The following STPG2 variants were observed in gnomAD, a reference collection of about 807,000 sequenced individuals.
The protein encoded by STPG2 is sperm-tail PG-rich repeat-containing protein 2.
STPG2 carries 56 observed loss-of-function variants against 54.2 expected under a neutral mutation model. The ratio of observed to expected loss-of-function variants is 1.03; its 90% confidence interval spans 0.83 to 1.29. The LOEUF (loss-of-function observed/expected upper bound fraction) is 1.29, where lower values mean the gene tolerates loss of function less well. STPG2 is among the 50% of genes most tolerant of loss of function. The pLI is 0.00. For missense variants in STPG2, 596 were observed against 544.9 expected (o/e 1.09, Z -0.93); for synonymous variants, 200 against 181.8 (o/e 1.10, Z -0.81).
intron 10 of STPG2, among the ~76,000 whole-genome samples, chr4:97,661,338 T>C (rs745831930): frequency 4.5e-4 from 68 of 152,306 alleles, no homozygotes; most frequent in Middle Eastern, 3.4e-3. Flanking sequence ...TCTGAGCCCA[T>C]TACATTATCA....
chr4:97,719,195 A>G (rs1248268941), intron 9 of STPG2, among the ~76,000 whole-genome samples: 1 of 151,946 alleles, frequency 6.6e-6, no homozygotes, highest in African/African-American at 2.4e-5. Context: ...ACTTTCAAAT[A>G]ATTAAGGGAT....
At chr4:97,760,005 C>G (rs543424906) in intron 9 of STPG2, among the ~76,000 whole-genome samples, 9 of 152,266 alleles carry the variant, frequency 5.9e-5, no homozygotes, top group African/African-American at 2.2e-4. Context: ...ACACCAAGAT[C>G]ATTCATAAGC....
At chr4:97,904,139 TG>T (rs1017290015) in intron 8 of STPG2, among the ~76,000 whole-genome samples, 1 of 152,190 alleles carries the variant, frequency 6.6e-6, no homozygotes. Flanking sequence ...GCTCCACCTC[TG>T]GGGGCAGGGC....
intron 5 of STPG2, among the ~76,000 whole-genome samples, chr4:98,016,069 C>G (rs966605285): frequency 2.0e-5 from 3 of 152,024 alleles, no homozygotes; most frequent in Non-Finnish European, 4.4e-5. Context: ...GGGTGGAAGG[C>G]TAGGGGAGGG....
intron 5 of STPG2, among the ~76,000 whole-genome samples, chr4:98,070,496 A>C (rs1737968411): frequency 6.6e-6 from 1 of 152,098 alleles, no homozygotes; most frequent in Admixed American, 6.5e-5. Flanking sequence ...TATTCAGCAT[A>C]GTATTAGAAG....
intron 10 of STPG2, among the ~76,000 whole-genome samples, chr4:97,620,914 C>A (rs896770548): frequency 4.6e-5 from 7 of 151,880 alleles, no homozygotes; most frequent in African/African-American, 1.2e-4. Flanking sequence ...TTAAAAAAAA[C>A]CTAAAATCAT....
At chr4:98,057,831 A>G (rs1737526065) in intron 5 of STPG2, among the ~76,000 whole-genome samples, 1 of 152,254 alleles carries the variant, frequency 6.6e-6, no homozygotes, top group Non-Finnish European at 1.5e-5. Flanking sequence ...TACAAAGGGA[A>G]GTCCATCAGA....
chr4:97,602,769 C>A (rs990128728), intron 10 of STPG2, among the ~76,000 whole-genome samples: 7 of 151,626 alleles, frequency 4.6e-5, no homozygotes, highest in African/African-American at 1.7e-4. Context: ...TTAGTCTGTA[C>A]AAGGATTCAT....
intron 5 of STPG2, among the ~76,000 whole-genome samples, chr4:97,992,524 G>A (rs1251347114): frequency 4.6e-5 from 7 of 152,098 alleles, no homozygotes; most frequent in African/African-American, 7.2e-5. Flanking sequence ...GTTTCAAGTC[G>A]AGTAATGTAA....
At chr4:97,728,855 G>A (rs1724702185) in intron 9 of STPG2, among the ~76,000 whole-genome samples, 1 of 151,798 alleles carries the variant, frequency 6.6e-6, no homozygotes, top group Non-Finnish European at 1.5e-5. Context: ...AATATCTCCA[G>A]AAATCTTTTT....
At chr4:97,971,044 A>C (rs974547578) in intron 7 of STPG2, among the ~76,000 whole-genome samples, 1 of 152,188 alleles carries the variant, frequency 6.6e-6, no homozygotes. Context: ...CAGCCAACAG[A>C]CACAAAAATT....
chr4:97,963,955 C>T (rs150812353), intron 7 of STPG2, among the ~76,000 whole-genome samples: 294 of 152,054 alleles, frequency 1.9e-3, no homozygotes, highest in African/African-American at 7.0e-3. Context: ...AACTAGAGAG[C>T]TATTTTGAGG....
chr4:97,507,094 G>A (rs1007067116), intron 4 of STPG2, among the ~76,000 whole-genome samples: 2 of 152,012 alleles, frequency 1.3e-5, no homozygotes, highest in Non-Finnish European at 2.9e-5. Context: ...GGGAGGCTGA[G>A]GCAGGAGGAT....
intron 10 of STPG2, among the ~76,000 whole-genome samples, chr4:97,594,544 G>C (rs1180177582): frequency 6.6e-6 from 1 of 152,284 alleles, no homozygotes; most frequent in Non-Finnish European, 1.5e-5. Context: ...GGAAGAGAGG[G>C]AGAGAAATCA....
intron 8 of STPG2, among the ~76,000 whole-genome samples, chr4:97,845,052 T>A (rs559535195): frequency 6.6e-6 from 1 of 152,126 alleles, no homozygotes; most frequent in Non-Finnish European, 1.5e-5. Flanking sequence ...CTATTAAGAT[T>A]CTCTATTGGC....
intron 10 of STPG2, among the ~76,000 whole-genome samples, chr4:97,582,716 C>T (rs1732892773): frequency 6.6e-6 from 1 of 151,934 alleles, no homozygotes; most frequent in Non-Finnish European, 1.5e-5. Context: ...ATTATAAGTT[C>T]AACTGCTGTA....
chr4:98,127,197 TA>T (rs1241336966), intron 3 of STPG2, among the ~76,000 whole-genome samples: 1 of 126,164 alleles, frequency 7.9e-6, no homozygotes, highest in Non-Finnish European at 1.8e-5. Context: ...CGTAATAACA[TA>T]TTTTTTTAAA....
chr4:97,774,192 T>C (rs952259584), intron 9 of STPG2, among the ~76,000 whole-genome samples: 1 of 152,206 alleles, frequency 6.6e-6, no homozygotes, highest in Non-Finnish European at 1.5e-5. Flanking sequence ...TATGATATAG[T>C]AATTGTAACT....
In STPG2 at chr4:98,109,297, G is replaced by C. The variant is rs926255873; in HGVS notation, c.396C>G (p.Ser132=). Residue 132 remains serine, a synonymous_variant, in exon 4 of 11, where the codon TCC becomes TCG. Coordinates refer to ENST00000295268, the MANE Select transcript of STPG2 (RefSeq NM_174952.3). Reference sequence around the variant, plus strand: ...TACCTTTGTATTTCAAAGTTGCATTGGAAACATCCTAAAAAATAAAAAGTT... The same window carrying C: ...TACCTTTGTATTTCAAAGTTGCATTCGAAACATCCTAAAAAATAAAAAGTT... ...PAYYKPQFDV[S]NATLKYKGIH... The C allele has an allele frequency of 6.3e-7, 1 of 1,596,362 alleles. No individual in the cohort carries two copies. Among genetic ancestry groups the C allele is most frequent in the Non-Finnish European group, 8.5e-7 (1 of 1,172,678 alleles).
Sources: allele counts gnomAD v4.1 joint callset (sites outside exome capture counted in the v4.1 genomes callset), GRCh38; gene constraint gnomAD v4.1.1; transcripts MANE v1.5; gene names NCBI Gene and HGNC (gene_info 2026-07-23, HGNC 2026-07-21).